Variants in ASAP1 observed in about 807,000 individuals in gnomAD.
ASAP1 encodes ArfGAP with SH3 domain, ankyrin repeat and PH domain 1.
A neutral mutation model predicts 145.2 loss-of-function variants in ASAP1; 43 were observed. The observed-to-expected ratio is 0.30, with a 90% CI of 0.23 to 0.38. The LOEUF (loss-of-function observed/expected upper bound fraction) is 0.38. Among genes scored for constraint, ASAP1 ranks in the 10% least tolerant of loss-of-function variants. The probability of loss-of-function intolerance (pLI) is 1.00; values close to 1 mark genes in which losing one functional copy is unlikely to be tolerated. For missense variants in ASAP1, 1,018 were observed against 1,355.3 expected (o/e 0.75, Z 3.91); for synonymous variants, 546 against 515.5 (o/e 1.06, Z -0.80).
intron 2 of ASAP1, among the ~76,000 whole-genome samples, chr8:130,390,933 T>TCCCC (rs35020130): frequency 7.5e-5 from 10 of 133,136 alleles, no homozygotes; most frequent in Admixed American, 2.3e-4. Flanking sequence ...TGGGTATATA[T>TCCCC]CCCCCGCCCC....
chr8:130,423,716 A>T (rs1159050387), intron 1 of ASAP1, among the ~76,000 whole-genome samples: 1 of 152,264 alleles, frequency 6.6e-6, no homozygotes, highest in Non-Finnish European at 1.5e-5. Context: ...CTATGAGTAT[A>T]TCAGCATAGA....
intron 3 of ASAP1, among the ~76,000 whole-genome samples, chr8:130,280,168 C>G (rs144169358): frequency 3.2e-3 from 487 of 152,332 alleles, no homozygotes; most frequent in Non-Finnish European, 4.7e-3. Flanking sequence ...AGTAGCCCAG[C>G]TGGAACTGAA....
In ASAP1 at chr8:130,401,869, G is replaced by A; in HGVS notation, c.59+16C>T. The A allele has an allele frequency of 6.2e-7, 1 of 1,612,218 alleles. No individual in the cohort carries two copies. Among genetic ancestry groups the A allele is most frequent in the Non-Finnish European group, 8.5e-7 (1 of 1,179,100 alleles). On this transcript the variant is annotated intron_variant, in intron 2 of 29. Coordinates refer to ENST00000518721, the MANE Select transcript of ASAP1 (RefSeq NM_018482.4). ...ACGCCGAGTTTTCTGGACAGGATGG[G>A]CTAGAGATCACTCACCGATTCCATA...
At chr8:130,256,664 A>T (rs1349881909) in intron 3 of ASAP1, among the ~76,000 whole-genome samples, 1 of 150,174 alleles carries the variant, frequency 6.7e-6, no homozygotes, top group Admixed American at 6.6e-5. Context: ...TTTAGAACAT[A>T]TTTAAAGAAA....
chr8:130,174,891 T>C lies in ASAP1; in HGVS notation c.746+4373A>G, dbSNP rs563034747. Among the ~76,000 whole-genome samples the C allele has an allele frequency of 1.3e-3, 193 of 152,350 alleles. 1 individual carries two copies. The highest frequency in any genetic ancestry group is 2.2e-3 in the Non-Finnish European group (152 of 68,030). On this transcript the variant is annotated intron_variant, in intron 9 of 29. Coordinates refer to ENST00000518721, the MANE Select transcript of ASAP1 (RefSeq NM_018482.4). ...TGATATACCACATTTTGTTTAACCTTTTATCAACTGATGGATATCTGGGTG... is the reference window on the plus strand; with the variant it reads ...TGATATACCACATTTTGTTTAACCTCTTATCAACTGATGGATATCTGGGTG...
chr8:130,410,686 C>T (rs1283469498), intron 1 of ASAP1, among the ~76,000 whole-genome samples: 3 of 152,194 alleles, frequency 2.0e-5, no homozygotes, highest in African/African-American at 7.2e-5. Context: ...ATGCTGAGCG[C>T]AGAGCCATCT....
intron 12 of ASAP1, among the ~76,000 whole-genome samples, chr8:130,159,404 C>T (rs1432288826): frequency 1.3e-5 from 2 of 151,860 alleles, no homozygotes; most frequent in African/African-American, 2.4e-5. Flanking sequence ...GGGCAGATCA[C>T]AAGGTCAGAA....
At chr8:130,419,136 A>G (rs886999471) in intron 1 of ASAP1, among the ~76,000 whole-genome samples, 1 of 152,144 alleles carries the variant, frequency 6.6e-6, no homozygotes, top group Non-Finnish European at 1.5e-5. Context: ...GGAGCAGAAA[A>G]AAACCGAGGC....
intron 8 of ASAP1, 87 bp downstream of exon 8, chr8:130,180,664 T>C: frequency 7.0e-7 from 1 of 1,421,192 alleles, no homozygotes; most frequent in Admixed American, 2.3e-5. Flanking sequence ...AAACAGAGTC[T>C]GCCTTTAAGC....
At chr8:130,129,488 T>C (rs1175534474) in intron 15 of ASAP1, among the ~76,000 whole-genome samples, 1 of 152,212 alleles carries the variant, frequency 6.6e-6, no homozygotes, top group Admixed American at 6.5e-5. Flanking sequence ...AAGCCAAATT[T>C]ATTTTCTAAA....
chr8:130,215,920 T>C (rs72722384), intron 4 of ASAP1, among the ~76,000 whole-genome samples: 5,190 of 122,282 alleles, frequency 0.042, 122 homozygotes, highest in Middle Eastern at 0.11. Flanking sequence ...TGAGACCCTA[T>C]CTCCAAAAAA....
At chr8:130,277,020 C>T (rs942371765) in intron 3 of ASAP1, among the ~76,000 whole-genome samples, 10 of 152,088 alleles carry the variant, frequency 6.6e-5, no homozygotes, top group Non-Finnish European at 1.3e-4. Flanking sequence ...ACAATAGGTA[C>T]GGCTTTGACA....
intron 3 of ASAP1, among the ~76,000 whole-genome samples, chr8:130,258,497 T>C (rs1215328743): frequency 6.6e-6 from 1 of 152,236 alleles, no homozygotes; most frequent in Non-Finnish European, 1.5e-5. Flanking sequence ...CCTTCATTAC[T>C]TTCCAGTTGT....
chr8:130,353,286 C>T (rs1052566980), intron 3 of ASAP1, among the ~76,000 whole-genome samples: 6 of 152,172 alleles, frequency 3.9e-5, no homozygotes, highest in Admixed American at 2.6e-4. Flanking sequence ...TGAACAAATG[C>T]TGTTCACGGA....
chr8:130,443,446 G>A lies in ASAP1; in HGVS notation c.-28+14C>T, dbSNP rs903573659. 1 of 150,980 alleles carries A rather than the reference G, an allele frequency of 6.6e-6. No homozygotes were observed. Among genetic ancestry groups the A allele is most frequent in the African/African-American group, 2.4e-5 (1 of 41,336 alleles). 9.4% of individuals were successfully genotyped at this position (150,980 alleles called of 1,614,324 possible). On this transcript the variant is annotated intron_variant, in intron 1 of 29. Coordinates refer to ENST00000518721, the MANE Select transcript of ASAP1 (RefSeq NM_018482.4). ...CCGGCCCCGCCGAGCGCGCCCGAGC[G>A]CCCCGCAACTCACCGGGACCTGGCG... is the stretch of plus-strand genomic sequence containing the variant.
At chr8:130,323,021 T>C (rs893509830) in intron 3 of ASAP1, among the ~76,000 whole-genome samples, 4 of 152,188 alleles carry the variant, frequency 2.6e-5, no homozygotes, top group African/African-American at 7.2e-5. Context: ...AAGATCAGAA[T>C]AGGCAATGCA....
intron 3 of ASAP1, among the ~76,000 whole-genome samples, chr8:130,329,307 G>A (rs1428505848): frequency 1.3e-5 from 2 of 152,218 alleles, no homozygotes; most frequent in South Asian, 4.1e-4. Context: ...CAGACATTGG[G>A]TGGGAACCTC....
intron 15 of ASAP1, among the ~76,000 whole-genome samples, chr8:130,129,419 G>A (rs564804621): frequency 1.3e-5 from 2 of 152,236 alleles, no homozygotes; most frequent in South Asian, 4.1e-4. Context: ...CCGACTTTGT[G>A]CCTTTCTATA....
intron 2 of ASAP1, among the ~76,000 whole-genome samples, chr8:130,374,128 T>C (rs77137166): frequency 0.027 from 4,014 of 151,434 alleles, 65 homozygotes; most frequent in Middle Eastern, 0.048. Flanking sequence ...CCCTACTATT[T>C]ACAGATTGCA....
Sources: allele counts gnomAD v4.1 joint callset (sites outside exome capture counted in the v4.1 genomes callset), GRCh38; gene constraint gnomAD v4.1.1; transcripts MANE v1.5; gene names NCBI Gene and HGNC (gene_info 2026-07-23, HGNC 2026-07-21).